The following TRPC4AP variants were observed in gnomAD, a reference collection of about 807,000 sequenced individuals.
TRPC4AP encodes transient receptor potential cation channel subfamily C member 4 associated protein.
TRPC4AP carries 45 observed loss-of-function variants against 99.0 expected under a neutral mutation model. The ratio of observed to expected loss-of-function variants is 0.45; its 90% CI spans 0.36 to 0.58. The LOEUF (loss-of-function observed/expected upper bound fraction) is 0.58. TRPC4AP is among the 20% of genes least tolerant of loss of function. The pLI is 0.00. For synonymous variants in TRPC4AP, 408 were observed against 385.8 expected (o/e 1.06, Z -0.67); for missense variants, 879 against 985.3 (o/e 0.89, Z 1.44).
At chr20:35,080,528 TCCATCTAAAAAAAAAAAAAAA>T (rs1472358683) in intron 1 of TRPC4AP, among the ~76,000 whole-genome samples, 1 of 75,826 alleles carries the variant, frequency 1.3e-5, no homozygotes, top group African/African-American at 5.0e-5. Flanking sequence ...AAAGCGAGAC[TCCATCTAAAAAAAAAAAAAAA>T]AAAAAAACCT....
chr20:35,029,628 CTTTTTTTTTT>C (rs35372826), intron 8 of TRPC4AP, among the ~76,000 whole-genome samples: 1 of 39,372 alleles, frequency 2.5e-5, no homozygotes. Flanking sequence ...AAGTTACTTT[CTTTTTTTTTT>C]TTTTTTTTTT....
At chr20:35,025,311 G>C (rs1272428193) in intron 8 of TRPC4AP, among the ~76,000 whole-genome samples, 2 of 152,116 alleles carry the variant, frequency 1.3e-5, no homozygotes, top group Non-Finnish European at 2.9e-5. Flanking sequence ...CTCCCAAGTT[G>C]TCAGGACTAT....
intron 6 of TRPC4AP, among the ~76,000 whole-genome samples, chr20:35,047,668 T>C (rs977090442): frequency 3.3e-5 from 5 of 152,184 alleles, no homozygotes; most frequent in Non-Finnish European, 5.9e-5. Flanking sequence ...TAAACATACA[T>C]ATTGGAATGT....
At chr20:35,033,214 T>C (rs6060168) in intron 8 of TRPC4AP, among the ~76,000 whole-genome samples, 60,263 of 152,004 alleles carry the variant, frequency 0.4, 13,076 homozygotes, top group East Asian at 0.59. Context: ...TTAAGTAATA[T>C]ACTGTAGCAA....
chr20:35,008,450 G>C (rs1330204985), intron 13 of TRPC4AP, among the ~76,000 whole-genome samples: 1 of 152,182 alleles, frequency 6.6e-6, no homozygotes, highest in Non-Finnish European at 1.5e-5. Flanking sequence ...ACAGGTGCTT[G>C]GTGAATGCTC....
At chr20:35,055,652 C>T (rs530691678) in intron 4 of TRPC4AP, among the ~76,000 whole-genome samples, 6 of 152,338 alleles carry the variant, frequency 3.9e-5, no homozygotes, top group African/African-American at 9.6e-5. Context: ...GGACTGCATG[C>T]GCGTGTACCA....
intron 2 of TRPC4AP, among the ~76,000 whole-genome samples, chr20:35,073,106 G>A (rs949263401): frequency 2.9e-4 from 44 of 152,256 alleles, no homozygotes; most frequent in African/African-American, 3.9e-4. Context: ...GAATGCTTGC[G>A]ACTTTTGCAC....
chr20:35,076,046 G>C (rs907487140), intron 2 of TRPC4AP, among the ~76,000 whole-genome samples: 7 of 152,032 alleles, frequency 4.6e-5, no homozygotes, highest in Admixed American at 4.6e-4. Context: ...CCACTTGATC[G>C]AATTGGCTAC....
intron 3 of TRPC4AP, among the ~76,000 whole-genome samples, chr20:35,064,463 T>C (rs926539332): frequency 6.6e-6 from 1 of 152,262 alleles, no homozygotes; most frequent in Non-Finnish European, 1.5e-5. Flanking sequence ...GCTCGTGGCA[T>C]GAATGTGACA....
chr20:35,057,479 GA>G, intron 4 of TRPC4AP, 34 bp downstream of exon 4: 1 of 1,583,760 alleles, frequency 6.3e-7, no homozygotes, highest in East Asian at 2.3e-5. Context: ...CGGCAGGTTG[GA>G]AAACAAGGAC....
intron 2 of TRPC4AP, among the ~76,000 whole-genome samples, 171 bp downstream of exon 2, chr20:35,077,875 G>A (rs1157249318): frequency 1.3e-5 from 2 of 152,028 alleles, no homozygotes; most frequent in Non-Finnish European, 2.9e-5. Context: ...GGGATTATAG[G>A]TGATGTATAT....
intron 3 of TRPC4AP, among the ~76,000 whole-genome samples, chr20:35,064,926 G>A (rs562871061): frequency 6.6e-6 from 1 of 152,126 alleles, no homozygotes; most frequent in Non-Finnish European, 1.5e-5. Flanking sequence ...TAACGGTCTT[G>A]GTATACACAA....
At chr20:35,029,683 T>A (rs1442588274) in intron 8 of TRPC4AP, among the ~76,000 whole-genome samples, 1 of 128,178 alleles carries the variant, frequency 7.8e-6, no homozygotes, top group Non-Finnish European at 1.6e-5. Context: ...TCACCCAGGC[T>A]GGAGTGCAGT....
Position 35,008,651 on chromosome 20 carries a change from T to C in TRPC4AP, c.1595+13A>G. ...GCCCCGCAGAATCGGCAGGTACTTT[T>C]CCCCAGACTCACCTGAAAGACGACT... On this transcript the variant is annotated intron_variant, in intron 13 of 18. Coordinates refer to ENST00000252015, the MANE Select transcript of TRPC4AP (RefSeq NM_015638.3). The C allele has an allele frequency of 3.7e-6, 6 of 1,612,114 alleles. No homozygotes were observed. Among genetic ancestry groups the C allele is most frequent in the Non-Finnish European group, 5.1e-6 (6 of 1,179,080 alleles).
In TRPC4AP at chr20:35,004,722, A is replaced by G. The variant is rs1600493170; in HGVS notation, c.1937-152T>C. Reference sequence around the variant, plus strand: ...ACGAAAGCTGACTGTGGCAGAAAGAAGGACCTCCAGCTGTCCTGCTACCAG... The same window carrying G: ...ACGAAAGCTGACTGTGGCAGAAAGAGGGACCTCCAGCTGTCCTGCTACCAG... On this transcript the variant is annotated intron_variant, in intron 16 of 18. Coordinates refer to ENST00000252015, the MANE Select transcript of TRPC4AP (RefSeq NM_015638.3). 4 of 655,240 alleles carry G rather than the reference A, an allele frequency of 6.1e-6. No individual in the cohort carries two copies. The East Asian group carries it at 1.1e-4, about 18-fold the overall frequency. 40.6% of individuals were successfully genotyped at this position (655,240 alleles called of 1,614,324 possible). A position where few individuals can be genotyped will look rare whatever the true frequency, so the allele number is the denominator to read the frequency against.
At chr20:35,016,809 G>A (rs1186924141) in intron 9 of TRPC4AP, among the ~76,000 whole-genome samples, 1 of 152,176 alleles carries the variant, frequency 6.6e-6, no homozygotes, top group Non-Finnish European at 1.5e-5. Flanking sequence ...GGCAATTCAT[G>A]CCACAGGCAA....
intron 9 of TRPC4AP, 80 bp downstream of exon 9, chr20:35,021,110 C>T: frequency 6.7e-7 from 1 of 1,493,420 alleles, no homozygotes; most frequent in Non-Finnish European, 9.1e-7. Flanking sequence ...TAACAGAAGG[C>T]CCAGTGGAGC....
intron 9 of TRPC4AP, among the ~76,000 whole-genome samples, chr20:35,017,649 G>A (rs1050134261): frequency 6.6e-6 from 1 of 152,132 alleles, no homozygotes; most frequent in Admixed American, 6.5e-5. Flanking sequence ...ACCTAACTCA[G>A]GTGTTCAGAT....
At chr20:35,028,149 G>A (rs982885937) in intron 8 of TRPC4AP, among the ~76,000 whole-genome samples, 1 of 151,802 alleles carries the variant, frequency 6.6e-6, no homozygotes, top group South Asian at 2.1e-4. Context: ...CTCTAAGCAC[G>A]CTTTAGCTGC....
Sources: gnomAD v4.1 joint callset for allele counts (sites outside exome capture counted in the v4.1 genomes callset) on GRCh38, gnomAD v4.1.1 for gene constraint, MANE v1.5 for transcripts, NCBI Gene and HGNC (gene_info 2026-07-23, HGNC 2026-07-21) for gene names.